The following PRKAR2A variants were observed in gnomAD, a reference collection of about 807,000 sequenced individuals.
The protein encoded by PRKAR2A is protein kinase cAMP-dependent type II regulatory subunit alpha, also known as cAMP-dependent protein kinase type II-alpha regulatory subunit.
Under a neutral mutation model 51.9 loss-of-function variants are expected in PRKAR2A, and 29 were observed. That is an observed-to-expected ratio of 0.56 (90% CI 0.42 to 0.76). The LOEUF is 0.76. Ranked by LOEUF, PRKAR2A falls within the 30% of genes least tolerant of loss-of-function variation. PRKAR2A has a pLI of 0.00. For missense variants in PRKAR2A, 445 were observed against 512.1 expected, an observed-to-expected ratio of 0.87 and a Z score of 1.26; for synonymous variants, 178 against 186.2, an observed-to-expected ratio of 0.96 and a Z score of 0.36.
At chr3:48,824,542 T>TAAGAAAGAAAGA (rs200913812) in intron 1 of PRKAR2A, among the ~76,000 whole-genome samples, 15 of 123,866 alleles carry the variant, frequency 1.2e-4, no homozygotes, top group South Asian at 9.0e-4. Context: ...TCCAAAATCA[T>TAAGAAAGAAAGA]AAGAAAGAAA....
rs543042127 is a variant in PRKAR2A, at chr3:48,768,679, CAG to C, written c.697-3332_697-3331del. Among the ~76,000 whole-genome samples, 366 of 152,130 alleles carry C rather than the reference CAG, an allele frequency of 2.4e-3. 3 individuals carry two copies. The highest frequency in any genetic ancestry group is 8.4e-3 in the African/African-American group (348 of 41,518). On this transcript the variant is annotated intron_variant, in intron 6 of 10. Transcript: ENST00000265563. ...CACCACTATACTCCAGCCTGGGCAACAGAGACTCCGTCTCAAAATAAATAAAT... is the reference window on the plus strand; with the variant it reads ...CACCACTATACTCCAGCCTGGGCAACAGACTCCGTCTCAAAATAAATAAAT...
chr3:48,758,580 CAAAA>C (rs527383934), intron 8 of PRKAR2A, among the ~76,000 whole-genome samples: 1 of 51,088 alleles, frequency 2.0e-5, no homozygotes, highest in African/African-American at 7.7e-5. Flanking sequence ...AAGACTGTCT[CAAAA>C]AAAAAAAAAA....
At chr3:48,769,564 T>A (rs2107246837) in intron 6 of PRKAR2A, among the ~76,000 whole-genome samples, 1 of 152,026 alleles carries the variant, frequency 6.6e-6, no homozygotes, top group Non-Finnish European at 1.5e-5. Context: ...GCAACCTCCG[T>A]CTCCCAGGTT....
rs894687434 is a variant in PRKAR2A, at chr3:48,751,237, T to C, written c.*348A>G. ...CTGTGGTAACTTCCAAAAGCAAGAG[T>C]AGCAGCAAGAGAGGAAAGGAGCATG... On this transcript the variant is annotated 3_prime_UTR_variant, in exon 11 of 11. Transcript: ENST00000265563. The C allele has an allele frequency of 4.3e-6, 2 of 468,852 alleles. No individual in the cohort carries two copies. Among genetic ancestry groups the C allele is most frequent in the African/African-American group, 4.0e-5 (2 of 50,588 alleles). 29.0% of individuals were successfully genotyped at this position (468,852 alleles called of 1,614,324 possible).
intron 6 of PRKAR2A, among the ~76,000 whole-genome samples, chr3:48,772,554 A>G (rs2082044284): frequency 6.6e-6 from 1 of 152,048 alleles, no homozygotes; most frequent in Non-Finnish European, 1.5e-5. Context: ...GAGTTTTTCA[A>G]TCATTGAGTC....
intron 1 of PRKAR2A, among the ~76,000 whole-genome samples, chr3:48,836,442 A>AAAAAAAG (rs2083287279): frequency 1.5e-5 from 2 of 129,070 alleles, no homozygotes; most frequent in African/African-American, 6.1e-5. Flanking sequence ...AAAAAAAAAA[A>AAAAAAAG]AAGAAGAAGA....
At chr3:48,776,469 C>A (rs1485339978) in intron 5 of PRKAR2A, among the ~76,000 whole-genome samples, 2 of 151,946 alleles carry the variant, frequency 1.3e-5, no homozygotes, top group Admixed American at 6.6e-5. Flanking sequence ...CTATATATAT[C>A]ATGGAGTCAT....
intron 8 of PRKAR2A, among the ~76,000 whole-genome samples, chr3:48,758,400 G>A (rs1278023937): frequency 2.0e-5 from 3 of 151,016 alleles, no homozygotes; most frequent in African/African-American, 7.3e-5. Flanking sequence ...GCAACATGGC[G>A]GCGAAACCCC....
chr3:48,780,477 C>A (rs949141011), intron 5 of PRKAR2A, among the ~76,000 whole-genome samples: 1 of 151,868 alleles, frequency 6.6e-6, no homozygotes, highest in South Asian at 2.1e-4. Flanking sequence ...GTGACGGGCG[C>A]CTGTAGTCCC....
chr3:48,806,584 CAATT>C (rs1266510483), intron 2 of PRKAR2A, among the ~76,000 whole-genome samples: 6 of 151,344 alleles, frequency 4.0e-5, no homozygotes, highest in African/African-American at 1.5e-4. Context: ...ATCTCTAACT[CAATT>C]AAAAAAATAG....
chr3:48,771,109 C>T (rs2107251947), intron 6 of PRKAR2A, among the ~76,000 whole-genome samples: 1 of 152,222 alleles, frequency 6.6e-6, no homozygotes, highest in Middle Eastern at 3.4e-3. Flanking sequence ...GTGCACACGT[C>T]TGTAATCCCA....
intron 1 of PRKAR2A, among the ~76,000 whole-genome samples, chr3:48,817,336 TAAATAA>T: frequency 8.1e-6 from 1 of 123,950 alleles, no homozygotes; most frequent in South Asian, 2.4e-4. Flanking sequence ...AATAAATAAA[TAAATAA>T]ATAAATAAAT....
At chr3:48,788,279 T>C (rs2082327123) in intron 4 of PRKAR2A, among the ~76,000 whole-genome samples, 1 of 152,100 alleles carries the variant, frequency 6.6e-6, no homozygotes, top group Non-Finnish European at 1.5e-5. Context: ...TCCGCCCACT[T>C]CGGCCTCCCA....
Position 48,847,631 on chromosome 3 carries a change from C to G in PRKAR2A, c.-35G>C. The G allele has an allele frequency of 7.1e-7, 1 of 1,404,986 alleles. No individual in the cohort carries two copies. Among genetic ancestry groups the G allele is most frequent in the Non-Finnish European group, 9.2e-7 (1 of 1,085,466 alleles). 87.0% of individuals were successfully genotyped at this position (1,404,986 alleles called of 1,614,324 possible). On this transcript the variant is annotated 5_prime_UTR_variant, in exon 1 of 11. Coordinates refer to ENST00000265563, the MANE Select transcript of PRKAR2A (RefSeq NM_004157.4). The surrounding 1 kb of genome is among the most constrained non-coding windows in gnomAD (Gnocchi z 4.4). ...GGCCGAAGGGATAGACGGGTTGGGC[C>G]GCCGGCGGCCACTGTCTCCGCGCTC...
intron 1 of PRKAR2A, among the ~76,000 whole-genome samples, chr3:48,838,857 G>T (rs529652840): frequency 1.6e-4 from 24 of 151,806 alleles, no homozygotes; most frequent in Non-Finnish European, 1.5e-4. Context: ...GGTGGTGGGC[G>T]CCTGTAGTCC....
intron 5 of PRKAR2A, among the ~76,000 whole-genome samples, chr3:48,781,803 G>A (rs371725777): frequency 5.9e-4 from 90 of 151,898 alleles, no homozygotes; most frequent in African/African-American, 2.0e-3. Context: ...GAGCCACTGC[G>A]ACTGGCCAAT....
At chr3:48,765,397 C>A in intron 6 of PRKAR2A, 48 bp from the exon 7 acceptor site, 1 of 1,312,178 alleles carries the variant, frequency 7.6e-7, no homozygotes, top group South Asian at 1.3e-5. Context: ...TATACAGGAA[C>A]ATCTATGGTT....
intron 2 of PRKAR2A, among the ~76,000 whole-genome samples, chr3:48,797,768 T>C (rs1226514978): frequency 1.3e-5 from 2 of 152,228 alleles, no homozygotes; most frequent in Non-Finnish European, 2.9e-5. Flanking sequence ...TGCAGAGGGC[T>C]GGCCCAGTTT....
At chr3:48,777,693 C>G (rs1376559907) in intron 5 of PRKAR2A, among the ~76,000 whole-genome samples, 1 of 152,178 alleles carries the variant, frequency 6.6e-6, no homozygotes, top group Non-Finnish European at 1.5e-5. Flanking sequence ...GTGTGAGGCA[C>G]CGCGCCAGGC....
Sources: gnomAD v4.1 joint callset for allele counts (sites outside exome capture counted in the v4.1 genomes callset) on GRCh38, gnomAD v4.1.1 for gene constraint, Gnocchi (gnomAD v3.1) non-coding constraint, MANE v1.5 for transcripts, NCBI Gene and HGNC (gene_info 2026-07-23, HGNC 2026-07-21) for gene names.